TAF9: variants seen among roughly 807,000 people sequenced by gnomAD.
TAF9 encodes the protein TATA-box binding protein associated factor 9, also known as transcription initiation factor TFIID subunit 9.
A neutral mutation model predicts 16.5 loss-of-function variants in TAF9; 10 were observed. The ratio of observed to expected loss-of-function variants is 0.61; its 90% CI spans 0.37 to 1.03. The LOEUF (loss-of-function observed/expected upper bound fraction) is 1.03, where lower values mean the gene tolerates loss of function less well. TAF9 is among the 50% of genes least tolerant of loss of function. The pLI, the probability that TAF9 is intolerant of heterozygous loss-of-function variation, is 0.01. For synonymous variants in TAF9, 105 were observed against 120.5 expected (o/e 0.87, Z 0.84); for missense variants, 288 against 319.1 (o/e 0.90, Z 0.74).
chr5:69,366,352 C>T, intron 2 of TAF9, 151 bp downstream of exon 2: 1 of 625,422 alleles, frequency 1.6e-6, no homozygotes, highest in Non-Finnish European at 2.8e-6. Flanking sequence ...GCATTAGACA[C>T]TTAATATTTC....
chr5:69,369,596 C>A, upstream of TAF9: 1 of 1,591,276 alleles, frequency 6.3e-7, no homozygotes, highest in South Asian at 1.1e-5. Context: ...CCCAAAGGCC[C>A]CGAAGCCCAC....
At chr5:69,368,162 T>C (rs1762576751) in intron 1 of TAF9, among the ~76,000 whole-genome samples, 1 of 152,180 alleles carries the variant, frequency 6.6e-6, no homozygotes, top group Admixed American at 6.5e-5. Flanking sequence ...TAAATGTACA[T>C]ATATGTACAT....
intron 1 of TAF9, among the ~76,000 whole-genome samples, chr5:69,367,534 C>A (rs1466864269): frequency 6.6e-6 from 1 of 151,142 alleles, no homozygotes; most frequent in African/African-American, 2.4e-5. Context: ...TTAGCCACCT[C>A]GAATCAATTA....
chr5:69,369,612 C>T (rs1170957384), upstream of TAF9: 1 of 1,578,328 alleles, frequency 6.3e-7, no homozygotes, highest in South Asian at 1.1e-5. Context: ...CCCACCGCGG[C>T]GCCCCTAGCC....
upstream of TAF9, chr5:69,369,550 A>T: frequency 6.2e-7 from 1 of 1,609,544 alleles, no homozygotes. Flanking sequence ...TACAGGGAGG[A>T]GCCGGAAGGG....
At chr5:69,366,461 A>C (rs1340490294) in intron 2 of TAF9, 42 bp downstream of exon 2, 1 of 1,350,670 alleles carries the variant, frequency 7.4e-7, no homozygotes, top group South Asian at 1.3e-5. Flanking sequence ...ACCAGACCTT[A>C]AAAAAAAAAC....
At chr5:69,369,593 G>A (rs1762778961), upstream of TAF9, 3 of 1,595,470 alleles carry the variant, frequency 1.9e-6, no homozygotes, top group African/African-American at 1.3e-5. Context: ...GGCCCCAAAG[G>A]CCCCGAAGCC....
Position 69,365,163 on chromosome 5 carries a change from G to A in TAF9, c.575C>T (p.Pro192Leu). Residue 192 changes from proline (P) to leucine (L), a missense_variant, in exon 3 of 3, where the codon CCT becomes CTT. Coordinates refer to ENST00000217893, the MANE Select transcript of TAF9 (RefSeq NM_003187.5). ...LTGQRFTVQM[P>L]TSQSPAVKAS... ...TTTTACAGCTGGAGACTGAGAAGTA[G>A]GCATCTGTACTGTAAACCTTTGACC... 6.2e-7 allele frequency: 1 copy of A among 1,614,190 alleles called. No homozygotes were observed. Among genetic ancestry groups the A allele is most frequent in the Non-Finnish European group, 8.5e-7 (1 of 1,180,030 alleles).
At chr5:69,367,504 CAA>C (rs34070239) in intron 1 of TAF9, among the ~76,000 whole-genome samples, 10 of 94,006 alleles carry the variant, frequency 1.1e-4, no homozygotes, top group East Asian at 2.8e-4. Flanking sequence ...GACTCCATCT[CAA>C]AAAAAAAAAA....
upstream of TAF9, chr5:69,369,773 C>T (rs1762802931): frequency 1.4e-6 from 2 of 1,454,210 alleles, no homozygotes; most frequent in African/African-American, 1.4e-5. Flanking sequence ...CGGTGGTCCC[C>T]GCCCTTCGCT....
chr5:69,365,660 C>T lies in TAF9; in HGVS notation c.78G>A (p.Met26Ile), dbSNP rs1762389301. 6.8e-6 allele frequency: 11 copies of T among 1,611,050 alleles called. No individual in the cohort carries two copies. The highest frequency in any genetic ancestry group is 9.3e-6 in the Non-Finnish European group (11 of 1,178,248). ...AQMMAQILKD[M>I]GITEYEPRVI... ...CTCTTGGCTCATATTCTGTAATCCC[C>T]ATATCCTTCAGGATTTGTGCCATCA... Residue 26 changes from methionine to isoleucine, a missense_variant, in exon 3 of 3, where the codon ATG (methionine) becomes ATA (isoleucine). Transcript: ENST00000217893.
chr5:69,368,133 C>T (rs1388567069), intron 1 of TAF9, among the ~76,000 whole-genome samples: 4 of 152,172 alleles, frequency 2.6e-5, no homozygotes, highest in Non-Finnish European at 5.9e-5. Context: ...CCCAAAGAAA[C>T]CCTATTTATG....
chr5:69,364,988 A>T lies in TAF9; in HGVS notation c.750T>A (p.Asp250Glu), dbSNP rs905134442. The T allele has an allele frequency of 6.2e-7, 1 of 1,613,716 alleles. No individual in the cohort carries two copies. Among genetic ancestry groups the T allele is most frequent in the South Asian group, 1.1e-5 (1 of 91,074 alleles). Reference sequence around the variant, plus strand: ...CATCATCATCATCGTCATCATCATCATCTTCACGTTTTCTTTTCAATGCAT... The same window carrying T: ...CATCATCATCATCGTCATCATCATCTTCTTCACGTTTTCTTTTCAATGCAT... Reference protein sequence around the residue: ...SSNALKRKREDDDDDDDDDDD... With the variant: ...SSNALKRKREEDDDDDDDDDD... The change falls in exon 3 of 3, where the codon GAT becomes GAA. Residue 250 changes from aspartate to glutamate, a missense_variant. Physicochemically the swap from Asp to Glu is conservative, Grantham distance 45 (BLOSUM62 2). Transcript: ENST00000217893.
intron 1 of TAF9, chr5:69,368,818 C>A (rs1762661120): frequency 6.6e-6 from 1 of 152,192 alleles, no homozygotes; most frequent in African/African-American, 2.4e-5. Flanking sequence ...TCACTGATAA[C>A]ATGCACCCTG....
chr5:69,369,350 C>T, intron 1 of TAF9, 113 bp downstream of exon 1: 6 of 1,223,390 alleles, frequency 4.9e-6, no homozygotes, highest in Non-Finnish European at 6.6e-6. Flanking sequence ...TCGTGGCCCT[C>T]GGCCGGCCTC....
intron 2 of TAF9, 76 bp from the exon 3 acceptor site, chr5:69,365,830 TAAAA>T: frequency 9.0e-7 from 1 of 1,115,364 alleles, no homozygotes; most frequent in African/African-American, 1.6e-5. Context: ...GTCAGGAACT[TAAAA>T]AAATTTTAAA....
intron 1 of TAF9, chr5:69,366,805 C>T: frequency 1.9e-6 from 1 of 537,064 alleles, no homozygotes; most frequent in Non-Finnish European, 3.3e-6. Flanking sequence ...GTCGCCCAGG[C>T]TGGAGTGCAG....
At chr5:69,369,818 G>A (rs1762807755), upstream of TAF9, 4 of 1,070,458 alleles carry the variant, frequency 3.7e-6, no homozygotes, top group East Asian at 2.7e-5. Context: ...CCGGGAGGCC[G>A]TACCTCCGAG....
At chr5:69,369,135 A>G in intron 1 of TAF9, 1 of 445,194 alleles carries the variant, frequency 2.2e-6, no homozygotes, top group Non-Finnish European at 3.9e-6. Flanking sequence ...CCTGCCAAAG[A>G]ATCAACAACC....
Sources: gnomAD v4.1 joint callset for allele counts (sites outside exome capture counted in the v4.1 genomes callset) on GRCh38, gnomAD v4.1.1 for gene constraint, MANE v1.5 for transcripts, NCBI Gene and HGNC (gene_info 2026-07-23, HGNC 2026-07-21) for gene names.